The following LRRN2 variants were observed in gnomAD, a reference collection of about 807,000 sequenced individuals.
LRRN2 encodes leucine-rich repeat neuronal protein 2.
Under a neutral mutation model 35.7 loss-of-function variants are expected in LRRN2, and 10 were observed. The observed-to-expected ratio is 0.28, with a 90% confidence interval of 0.17 to 0.47. LRRN2 has a LOEUF of 0.47. Ranked by LOEUF, LRRN2 falls within the 20% of genes least tolerant of loss-of-function variation. The pLI is 0.99. For missense variants in LRRN2, 731 were observed against 940.3 expected (o/e 0.78, Z 2.91); for synonymous variants, 391 against 409.6 (o/e 0.95, Z 0.55).
At chr1:204,650,227 T>G (rs868157797) in intron 1 of LRRN2, among the ~76,000 whole-genome samples, 58 of 152,212 alleles carry the variant, frequency 3.8e-4, no homozygotes, top group Admixed American at 1.6e-3. Flanking sequence ...TTAGCCCTCA[T>G]TAGTCCAAAT....
At position 204,620,094 on chromosome 1, in the gene LRRN2, A is replaced by G. The variant is rs574701075; in HGVS notation, c.-102T>C. 1.2e-5 allele frequency: 18 copies of G among 1,489,382 alleles called. No individual in the cohort carries two copies. In the Admixed American group the frequency reaches 2.7e-4, roughly 22 times the overall value. The allele number at this position is 1,489,382 out of a possible 1,614,324, so 92.3% of individuals were successfully genotyped here. A position where few individuals can be genotyped will look rare whatever the true frequency, so the allele number is the denominator to read the frequency against. ...CAGCAACCCTGCCAGGGCCCAAGGA[A>G]CCACCCTCCCAGGGCAGTCATTCTA... is the stretch of plus-strand genomic sequence containing the variant. On this transcript the variant is annotated 5_prime_UTR_variant, in exon 2 of 2. Coordinates refer to ENST00000367177, the MANE Select transcript of LRRN2 (RefSeq NM_201630.2).
In LRRN2 at chr1:204,634,512, G is replaced by C. The variant is rs866271123; in HGVS notation, c.-226-14294C>G. On this transcript the variant is annotated intron_variant, in intron 1 of 1. Transcript: ENST00000367177. ...ATCTGATGATGAGGCTGTTATGGAAGGCCCTAATTCAATATGACTGGTATC... is the reference window on the plus strand; with the variant it reads ...ATCTGATGATGAGGCTGTTATGGAACGCCCTAATTCAATATGACTGGTATC... 8.5e-5 allele frequency among the ~76,000 whole-genome samples: 13 copies of C among 152,282 alleles called. No homozygotes were observed. The Middle Eastern group carries it at 0.01, about 120-fold the overall frequency.
At chr1:204,629,482 GT>G (rs1017967615) in intron 1 of LRRN2, 4 of 153,334 alleles carry the variant, frequency 2.6e-5, no homozygotes, top group African/African-American at 9.6e-5. Context: ...CCCGCGTGTT[GT>G]GGGAGGGAGA....
chr1:204,672,053 G>C (rs1469317379), intron 1 of LRRN2, among the ~76,000 whole-genome samples: 1 of 152,254 alleles, frequency 6.6e-6, no homozygotes, highest in Non-Finnish European at 1.5e-5. Context: ...CCTGAATGAA[G>C]AGGGTGGCTA....
chr1:204,657,337 T>TACACAC (rs201153877), intron 1 of LRRN2, among the ~76,000 whole-genome samples: 2,544 of 106,336 alleles, frequency 0.024, 37 homozygotes, highest in African/African-American at 0.066. Context: ...TATATATGTA[T>TACACAC]ATATACACAC....
chr1:204,631,256 C>CGATCTAATATATA (rs1282306008), intron 1 of LRRN2, among the ~76,000 whole-genome samples: 1 of 36,910 alleles, frequency 2.7e-5, no homozygotes, highest in Non-Finnish European at 5.1e-5. Flanking sequence ...CTAGAGTGTT[C>CGATCTAATATATA]TATATATATA....
At chr1:204,654,869 T>C (rs1039555160) in intron 1 of LRRN2, among the ~76,000 whole-genome samples, 4 of 152,088 alleles carry the variant, frequency 2.6e-5, no homozygotes, top group Non-Finnish European at 4.4e-5. Context: ...ACTATGAAAA[T>C]TGGCAAACAC....
chr1:204,634,089 T>A (rs899683585), intron 1 of LRRN2, among the ~76,000 whole-genome samples: 17 of 152,228 alleles, frequency 1.1e-4, no homozygotes, highest in African/African-American at 4.1e-4. Flanking sequence ...GTTAAATCAA[T>A]ATTTAGAAGC....
At position 204,618,963 on chromosome 1, in the gene LRRN2, T is replaced by G. The variant is rs1373876549; in HGVS notation, c.1030A>C (p.Asn344His). Residue 344 changes from asparagine to histidine, a missense_variant, in exon 2 of 2, where the codon AAC (asparagine) becomes CAC (histidine). Physicochemically the swap from Asn to His is moderately conservative, Grantham distance 68. Around this residue, in one of 3 missense-constraint regions of LRRN2, gnomAD observed 256 missense variants for 392.4 expected, o/e 0.65. Transcript: ENST00000367177. ...TGGTGCAAGGCACTGAGAGCGTTGT[T>G]GTTGAGCATGAGGGTCTCCATCTGG... ...LPQMETLMLN[N>H]NALSALHQQT... The G allele has an allele frequency of 1.2e-6, 2 of 1,613,854 alleles. No homozygotes were observed. Among genetic ancestry groups the G allele is most frequent in the Admixed American group, 3.3e-5 (2 of 59,996 alleles).
At chr1:204,645,043 C>G (rs757287715) in intron 1 of LRRN2, among the ~76,000 whole-genome samples, 3 of 152,234 alleles carry the variant, frequency 2.0e-5, no homozygotes, top group Non-Finnish European at 4.4e-5. Context: ...CTATCTAGTA[C>G]TTTCTCCACC....
chr1:204,618,288 C>T lies in LRRN2; in HGVS notation c.1705G>A (p.Ala569Thr). The T allele has an allele frequency of 1.9e-6, 3 of 1,600,104 alleles. No individual in the cohort carries two copies. The highest frequency in any genetic ancestry group is 2.6e-6 in the Non-Finnish European group (3 of 1,172,650). Residue 569 changes from alanine (A) to threonine (T), a missense_variant, in exon 2 of 2, where the codon GCC (alanine) becomes ACC (threonine). This residue lies in a region of LRRN2 where 229 missense variants were observed against 258.4 expected (regional missense o/e 0.89). Transcript: ENST00000367177. The part of the protein sequence containing the change: ...SSASSLRGQG[A>T]TALARLPRGT... Reference sequence around the variant, plus strand: ...CGAGGCAGGCGGGCCAGAGCTGTGGCCCCCTGGCCCCGGAGGGAGGAGGCA... The same window carrying T: ...CGAGGCAGGCGGGCCAGAGCTGTGGTCCCCTGGCCCCGGAGGGAGGAGGCA...
intron 1 of LRRN2, among the ~76,000 whole-genome samples, chr1:204,658,238 A>G (rs1668401549): frequency 6.6e-6 from 1 of 152,130 alleles, no homozygotes; most frequent in Non-Finnish European, 1.5e-5. Flanking sequence ...TTGGCCTCCC[A>G]AAGTGTTGGG....
At position 204,628,140 on chromosome 1, in the gene LRRN2, A is replaced by C. The variant is rs1667543991; in HGVS notation, c.-226-7922T>G. The C allele has an allele frequency of 2.0e-5, 3 of 152,238 alleles. No homozygotes were observed. In the South Asian group the frequency reaches 6.2e-4, roughly 32 times the overall value. 9.4% of individuals were successfully genotyped at this position (152,238 alleles called of 1,614,324 possible). On this transcript the variant is annotated intron_variant, in intron 1 of 1. Transcript: ENST00000367177. The stretch of plus-strand genomic sequence containing the variant: ...CCAGAGCCTGTCTTCCCTGGGCAAT[A>C]CCCGGGCCACTCCAGACATGGCGTC...
intron 1 of LRRN2, among the ~76,000 whole-genome samples, chr1:204,625,639 C>T (rs1258747621): frequency 2.0e-5 from 3 of 152,182 alleles, no homozygotes; most frequent in African/African-American, 7.2e-5. Flanking sequence ...TGGAGCTAAC[C>T]ACGGTCCCGA....
intron 1 of LRRN2, among the ~76,000 whole-genome samples, chr1:204,678,892 A>G (rs1668880270): frequency 6.6e-6 from 1 of 151,986 alleles, no homozygotes; most frequent in Non-Finnish European, 1.5e-5. Flanking sequence ...AGTCTATTTT[A>G]CTGCATCCCC....
chr1:204,667,328 C>A (rs897407249), intron 1 of LRRN2, among the ~76,000 whole-genome samples: 10 of 152,178 alleles, frequency 6.6e-5, no homozygotes, highest in African/African-American at 2.4e-4. Context: ...GTACTGTGGA[C>A]TTCCCTGTAA....
intron 1 of LRRN2, among the ~76,000 whole-genome samples, chr1:204,673,068 C>T (rs547819163): frequency 3.2e-4 from 48 of 152,276 alleles, no homozygotes; most frequent in Admixed American, 1.2e-3. Context: ...GAAGGGCCCT[C>T]CCTCTCCCTC....
At chr1:204,669,685 T>G (rs1428601261) in intron 1 of LRRN2, among the ~76,000 whole-genome samples, 2 of 152,086 alleles carry the variant, frequency 1.3e-5, no homozygotes, top group Non-Finnish European at 2.9e-5. Flanking sequence ...GGAAGAGTGA[T>G]TAAGGGCCAG....
chr1:204,658,485 T>A (rs950680219), intron 1 of LRRN2, among the ~76,000 whole-genome samples: 2 of 152,222 alleles, frequency 1.3e-5, no homozygotes, highest in Admixed American at 6.5e-5. Context: ...CTTGTACCCA[T>A]ATCCCCAAGT....
Sources: gnomAD v4.1 joint callset for allele counts (sites outside exome capture counted in the v4.1 genomes callset) on GRCh38, gnomAD v4.1.1 for gene constraint, gnomAD v4.1.1 regional missense constraint, MANE v1.5 for transcripts, NCBI Gene and HGNC (gene_info 2026-07-23, HGNC 2026-07-21) for gene names.